The following PHIP variants were observed in gnomAD, a reference collection of about 807,000 sequenced individuals.
PHIP encodes PHIP subunit of CUL4-Ring ligase complex, also known as PH-interacting protein.
Under a neutral mutation model 236.8 loss-of-function variants are expected in PHIP, and 54 were observed. The ratio of observed to expected loss-of-function variants is 0.23; its 90% CI spans 0.18 to 0.29. The LOEUF (loss-of-function observed/expected upper bound fraction) is 0.29, where lower values mean the gene tolerates loss of function less well. Ranked by LOEUF, PHIP falls within the 10% of genes least tolerant of loss-of-function variation. PHIP has a pLI of 1.00. For missense variants in PHIP, 1,370 were observed against 2,190.8 expected (o/e 0.63, Z 7.48); for synonymous variants, 756 against 718.9 (o/e 1.05, Z -0.83).
At chr6:78,987,155 CAG>C (rs1360700960) in intron 21 of PHIP, among the ~76,000 whole-genome samples, 1 of 152,018 alleles carries the variant, frequency 6.6e-6, no homozygotes, top group African/African-American at 2.4e-5. Flanking sequence ...CTTGTTGTAA[CAG>C]ATGTGTTTCT....
rs139203192 is a variant in PHIP, at chr6:79,075,634, G to GAA, written c.189+1812_189+1813dup. On this transcript the variant is annotated intron_variant, in intron 4 of 39. Transcript: ENST00000275034. ...TCAAAATTGATAGCTCATTTTTACT[G>GAA]AAAAAAAAAACAAAAAAACAAAATG... Among the ~76,000 whole-genome samples, 37 of 102,918 alleles carry GAA rather than the reference G, an allele frequency of 3.6e-4. No individual in the cohort carries two copies. The South Asian group carries it at 4.9e-3, about 14-fold the overall frequency. 67.5% of individuals were successfully genotyped at this position (102,918 alleles called of 152,430 possible).
chr6:79,063,376 ATTTT>A (rs994918002), intron 4 of PHIP, among the ~76,000 whole-genome samples: 1 of 152,150 alleles, frequency 6.6e-6, no homozygotes, highest in East Asian at 1.9e-4. Context: ...ATGCAGTAAA[ATTTT>A]TTTACATGGT....
At chr6:79,036,583 TACAC>T (rs1282443978) in intron 7 of PHIP, among the ~76,000 whole-genome samples, 1 of 152,114 alleles carries the variant, frequency 6.6e-6, no homozygotes, top group Non-Finnish European at 1.5e-5. Context: ...CCATATAACA[TACAC>T]ACATAACTCC....
chr6:78,986,466 CT>C (rs1259657315), intron 21 of PHIP, among the ~76,000 whole-genome samples: 2 of 152,162 alleles, frequency 1.3e-5, no homozygotes, highest in African/African-American at 4.8e-5. Flanking sequence ...CCCATTTGGG[CT>C]TGACAATGCA....
chr6:78,987,826 T>C (rs947102992), intron 21 of PHIP, among the ~76,000 whole-genome samples: 13 of 152,174 alleles, frequency 8.5e-5, no homozygotes, highest in Non-Finnish European at 1.3e-4. Context: ...AAATACTTAT[T>C]GATTTGTTGT....
intron 9 of PHIP, among the ~76,000 whole-genome samples, chr6:79,025,006 G>A (rs1252328775): frequency 2.0e-5 from 3 of 151,956 alleles, no homozygotes; most frequent in South Asian, 2.1e-4. Flanking sequence ...TAATATGGGC[G>A]ACCGCACAAA....
intron 4 of PHIP, among the ~76,000 whole-genome samples, chr6:79,072,486 T>TC (rs1429363698): frequency 6.6e-6 from 1 of 151,870 alleles, no homozygotes; most frequent in East Asian, 1.9e-4. Flanking sequence ...CGAAGATTTT[T>TC]TTTTTCTTTT....
At position 79,019,111 on chromosome 6, in the gene PHIP, C is replaced by A. The variant is rs1562183613; in HGVS notation, c.972G>T (p.Met324Ile). 1.9e-6 allele frequency: 3 copies of A among 1,612,664 alleles called. No homozygotes were observed. Among genetic ancestry groups the A allele is most frequent in the South Asian group, 1.1e-5 (1 of 91,030 alleles). The change falls in exon 10 of 40, where the codon ATG (methionine) becomes ATT (isoleucine). Residue 324 changes from methionine (M) to isoleucine (I), a missense_variant. Coordinates refer to ENST00000275034, the MANE Select transcript of PHIP (RefSeq NM_017934.7). ...TACCAGCACTAAAAGAAGAACAGAT[C>A]ATTTGAACTCCAGGCCGAGGGCGCT... ...FTERPRPGVQ[M>I]ICSSFSAGGM...
chr6:78,982,811 T>C (rs902006495), intron 23 of PHIP, 75 bp downstream of exon 23: 51 of 829,384 alleles, frequency 6.1e-5, no homozygotes, highest in Admixed American at 1.9e-4. Flanking sequence ...ATGTTTGTGA[T>C]CAATTGTACT....
Sources: allele counts gnomAD v4.1 joint callset (sites outside exome capture counted in the v4.1 genomes callset), GRCh38; gene constraint gnomAD v4.1.1; transcripts MANE v1.5; gene names NCBI Gene and HGNC (gene_info 2026-07-23, HGNC 2026-07-21).